INVS: variants seen among roughly 807,000 people sequenced by gnomAD.
INVS encodes the protein inversion of embryo turning homolog.
A neutral mutation model predicts 108.8 loss-of-function variants in INVS; 86 were observed. The ratio of observed to expected loss-of-function variants is 0.79; its 90% CI spans 0.66 to 0.95. The LOEUF (loss-of-function observed/expected upper bound fraction) is 0.95, where lower values mean the gene tolerates loss of function less well. Ranked by LOEUF, INVS falls within the 40% of genes least tolerant of loss-of-function variation. The pLI, the probability that INVS is intolerant of heterozygous loss-of-function variation, is 0.00. For missense variants in INVS, 1,169 were observed against 1,297.4 expected (o/e 0.90, Z 1.52); for synonymous variants, 455 against 473.5 (o/e 0.96, Z 0.51).
At chr9:100,157,785 C>A (rs1829049245) in intron 3 of INVS, among the ~76,000 whole-genome samples, 1 of 152,104 alleles carries the variant, frequency 6.6e-6, no homozygotes, top group Non-Finnish European at 1.5e-5. Context: ...GTTTTATTTT[C>A]TTTGAAATTT....
At chr9:100,227,158 G>T (rs148926385) in intron 4 of INVS, among the ~76,000 whole-genome samples, 21 of 152,314 alleles carry the variant, frequency 1.4e-4, no homozygotes, top group Non-Finnish European at 2.5e-4. Context: ...CATAGGAAAA[G>T]AAAGGAATTA....
intron 3 of INVS, among the ~76,000 whole-genome samples, chr9:100,128,728 C>T (rs199899992): frequency 3.3e-5 from 5 of 152,106 alleles, no homozygotes; most frequent in South Asian, 2.1e-4. Context: ...ATAAACCAAA[C>T]GTGAACTGAC....
intron 3 of INVS, among the ~76,000 whole-genome samples, chr9:100,204,610 A>C (rs1166329777): frequency 6.6e-6 from 1 of 152,198 alleles, no homozygotes; most frequent in Non-Finnish European, 1.5e-5. Context: ...TCTAGTCTAG[A>C]AAGTAATGGA....
In INVS at chr9:100,296,964, T is replaced by A. The variant is rs757927270; in HGVS notation, c.2834T>A (p.Leu945His). ...HLSHLRHMKQ[L>H]GAGDVDRWRQ... ...TCCCACCTTCGGCATATGAAGCAGC[T>A]TGGAGCTGGAGATGTGGACAGATGG... Residue 945 changes from leucine (L) to histidine (H), a missense_variant, in exon 15 of 17, where the codon CTT (leucine) becomes CAT (histidine). By Grantham distance (99) the Leu-to-His change is moderately conservative. This residue lies in a region of INVS where 533 missense variants were observed against 536.0 expected (regional missense o/e 0.99). Transcript: ENST00000262457. The A allele has an allele frequency of 6.2e-6, 10 of 1,613,954 alleles. No homozygotes were observed. In the South Asian group the frequency reaches 1.1e-4, roughly 18 times the overall value.
intron 3 of INVS, among the ~76,000 whole-genome samples, chr9:100,217,769 C>T (rs1831034620): frequency 6.6e-6 from 1 of 152,170 alleles, no homozygotes; most frequent in African/African-American, 2.4e-5. Context: ...CAAGCTTTTG[C>T]ATTCTTGGCA....
At chr9:100,226,552 C>A (rs1008340519) in intron 4 of INVS, among the ~76,000 whole-genome samples, 5 of 152,070 alleles carry the variant, frequency 3.3e-5, no homozygotes, top group Admixed American at 1.3e-4. Flanking sequence ...TTGGCTCATG[C>A]CTGTAATCCC....
chr9:100,117,699 T>G (rs921724765), intron 2 of INVS: 3 of 581,550 alleles, frequency 5.2e-6, no homozygotes, highest in African/African-American at 3.8e-5. Flanking sequence ...AGATTTAAGT[T>G]TATGATACGT....
chr9:100,149,296 C>T (rs964388193), intron 3 of INVS, among the ~76,000 whole-genome samples: 2 of 152,024 alleles, frequency 1.3e-5, no homozygotes, highest in East Asian at 1.9e-4. Context: ...CACCAAAAGA[C>T]ATTTGTGATG....
chr9:100,118,702 C>G (rs1351831539), intron 2 of INVS, among the ~76,000 whole-genome samples: 1 of 151,698 alleles, frequency 6.6e-6, no homozygotes, highest in African/African-American at 2.4e-5. Flanking sequence ...CTCCTGTTGC[C>G]CAGGCTGGAG....
intron 2 of INVS, among the ~76,000 whole-genome samples, chr9:100,109,432 C>G (rs1257491837): frequency 6.6e-6 from 1 of 152,092 alleles, no homozygotes; most frequent in African/African-American, 2.4e-5. Context: ...TATGAAAGAG[C>G]ACTAAATGCA....
chr9:100,264,588 A>G (rs1344440043), intron 10 of INVS, among the ~76,000 whole-genome samples: 2 of 150,766 alleles, frequency 1.3e-5, no homozygotes, highest in African/African-American at 4.9e-5. Context: ...ATTGCACTCC[A>G]GCCTGAGCGA....
chr9:100,167,121 C>T (rs941184078), intron 3 of INVS, among the ~76,000 whole-genome samples: 5 of 151,988 alleles, frequency 3.3e-5, no homozygotes, highest in African/African-American at 1.2e-4. Context: ...GTCCCAGCTA[C>T]ACCAGAGGCT....
intron 3 of INVS, among the ~76,000 whole-genome samples, chr9:100,217,571 A>G (rs1470973232): frequency 1.3e-5 from 2 of 152,174 alleles, no homozygotes; most frequent in Non-Finnish European, 2.9e-5. Context: ...GAGGACTCAG[A>G]TGGGCCCAGC....
At chr9:100,223,148 T>C (rs950288198) in intron 3 of INVS, among the ~76,000 whole-genome samples, 12 of 151,802 alleles carry the variant, frequency 7.9e-5, no homozygotes, top group Non-Finnish European at 1.6e-4. Flanking sequence ...CAGGCTGGAG[T>C]GCAGTGGTGC....
intron 14 of INVS, 63 bp downstream of exon 14, chr9:100,293,106 C>A: frequency 6.8e-7 from 1 of 1,475,300 alleles, no homozygotes; most frequent in Non-Finnish European, 9.5e-7. Flanking sequence ...AACATGACAT[C>A]TGTGCTCTTT....
intron 7 of INVS, among the ~76,000 whole-genome samples, chr9:100,244,244 C>T (rs1171493947): frequency 6.6e-6 from 1 of 152,078 alleles, no homozygotes; most frequent in Non-Finnish European, 1.5e-5. Context: ...TATCACCTAA[C>T]AAAGCAGTAT....
At position 100,099,275 on chromosome 9, in the gene INVS, C is replaced by G; in HGVS notation, c.-166C>G. The G allele has an allele frequency of 1.2e-5, 2 of 161,716 alleles. No homozygotes were observed. Among genetic ancestry groups the G allele is most frequent in the Non-Finnish European group, 2.7e-5 (2 of 73,272 alleles). 10.0% of individuals were successfully genotyped at this position (161,716 alleles called of 1,614,324 possible). A position where few individuals can be genotyped will look rare whatever the true frequency, so the allele number is the denominator to read the frequency against. Reference sequence around the variant, plus strand: ...TGTGCGGCCGAAAGCCTCGGGCGGCCTTTTGAGGGGCTCGGCTAGCTTCAG... The same window carrying G: ...TGTGCGGCCGAAAGCCTCGGGCGGCGTTTTGAGGGGCTCGGCTAGCTTCAG... On this transcript the variant is annotated 5_prime_UTR_variant, in exon 1 of 17. Transcript: ENST00000262457.
intron 3 of INVS, among the ~76,000 whole-genome samples, chr9:100,210,344 GAT>G (rs1830797806): frequency 6.6e-6 from 1 of 152,218 alleles, no homozygotes; most frequent in African/African-American, 2.4e-5. Context: ...GGGACAAATT[GAT>G]TGGAAGGAGT....
chr9:100,147,009 A>G (rs759409097), intron 3 of INVS, among the ~76,000 whole-genome samples: 1 of 152,200 alleles, frequency 6.6e-6, no homozygotes, highest in Non-Finnish European at 1.5e-5. Flanking sequence ...CATGGCATGT[A>G]GTAGGTGCTA....
Sources: allele counts gnomAD v4.1 joint callset (sites outside exome capture counted in the v4.1 genomes callset), GRCh38; gene constraint gnomAD v4.1.1; regional missense constraint gnomAD v4.1.1; transcripts MANE v1.5; gene names NCBI Gene and HGNC (gene_info 2026-07-23, HGNC 2026-07-21).